The following CNTNAP2 variants were observed in gnomAD, a reference collection of about 807,000 sequenced individuals.
The protein encoded by CNTNAP2 is contactin associated protein 2.
Under a neutral mutation model 155.2 loss-of-function variants are expected in CNTNAP2, and 98 were observed. The observed-to-expected ratio is 0.63, with a 90% CI of 0.54 to 0.75. The LOEUF (loss-of-function observed/expected upper bound fraction) is 0.75. Ranked by LOEUF, CNTNAP2 falls within the 30% of genes least tolerant of loss-of-function variation. CNTNAP2 has a pLI of 0.00. For missense variants in CNTNAP2, 1,727 were observed against 1,688.1 expected (o/e 1.02, Z -0.40); for synonymous variants, 651 against 631.2 (o/e 1.03, Z -0.47).
intron 1 of CNTNAP2, among the ~76,000 whole-genome samples, chr7:146,282,543 C>T (rs1231387493): frequency 6.6e-6 from 1 of 152,132 alleles, no homozygotes; most frequent in Non-Finnish European, 1.5e-5. Flanking sequence ...TATACTATTT[C>T]ATTTGATATT....
At chr7:146,265,315 C>G (rs537153049) in intron 1 of CNTNAP2, among the ~76,000 whole-genome samples, 2 of 152,012 alleles carry the variant, frequency 1.3e-5, no homozygotes, top group African/African-American at 2.4e-5. Context: ...TATAAAGATG[C>G]AATTTTAAAT....
intron 7 of CNTNAP2, among the ~76,000 whole-genome samples, chr7:147,129,987 T>C (rs1204385034): frequency 6.6e-6 from 1 of 152,160 alleles, no homozygotes; most frequent in East Asian, 1.9e-4. Context: ...GTATTTTATA[T>C]TTAGGATGAT....
At chr7:146,433,148 G>A (rs767217366) in intron 1 of CNTNAP2, among the ~76,000 whole-genome samples, 2 of 152,076 alleles carry the variant, frequency 1.3e-5, no homozygotes, top group Admixed American at 6.6e-5. Context: ...CAGAACGTAG[G>A]GTGATTAGTG....
chr7:147,180,796 G>C (rs1261947268), intron 8 of CNTNAP2, among the ~76,000 whole-genome samples: 1 of 152,004 alleles, frequency 6.6e-6, no homozygotes, highest in South Asian at 2.1e-4. Context: ...AATCAAATTA[G>C]TGGAATAAAA....
chr7:147,150,302 G>T (rs558555315), intron 8 of CNTNAP2, among the ~76,000 whole-genome samples: 3 of 152,222 alleles, frequency 2.0e-5, no homozygotes, highest in East Asian at 3.9e-4. Flanking sequence ...AGGAGGAAAA[G>T]CCAGCAAAAA....
chr7:148,035,282 T>A (rs772301595), intron 15 of CNTNAP2, among the ~76,000 whole-genome samples: 7 of 152,112 alleles, frequency 4.6e-5, no homozygotes. Context: ...ATCAAGACAG[T>A]GGGAGAATTA....
At chr7:146,676,048 T>A (rs1303303339) in intron 1 of CNTNAP2, among the ~76,000 whole-genome samples, 1 of 152,178 alleles carries the variant, frequency 6.6e-6, no homozygotes, top group East Asian at 1.9e-4. Flanking sequence ...TTGCCCTTGA[T>A]AGGCTAAGCT....
At chr7:147,330,368 C>T (rs749353811) in intron 9 of CNTNAP2, among the ~76,000 whole-genome samples, 2 of 151,990 alleles carry the variant, frequency 1.3e-5, no homozygotes, top group East Asian at 1.9e-4. Context: ...TGAATGTGTC[C>T]GTTGTGATAA....
chr7:146,192,338 T>A (rs1034370769), intron 1 of CNTNAP2, among the ~76,000 whole-genome samples: 4 of 152,180 alleles, frequency 2.6e-5, no homozygotes, highest in African/African-American at 9.7e-5. Context: ...AACATACTGC[T>A]AAATCAGAAA....
At chr7:147,610,004 G>A (rs1801151546) in intron 12 of CNTNAP2, among the ~76,000 whole-genome samples, 1 of 151,974 alleles carries the variant, frequency 6.6e-6, no homozygotes, top group South Asian at 2.1e-4. Flanking sequence ...TGGTGTGAAG[G>A]GTGAGGACAA....
At chr7:146,385,707 C>G (rs1795450596) in intron 1 of CNTNAP2, among the ~76,000 whole-genome samples, 1 of 152,066 alleles carries the variant, frequency 6.6e-6, no homozygotes, top group Non-Finnish European at 1.5e-5. Context: ...ATTACTGATC[C>G]CTTGGGGTTT....
chr7:147,164,828 T>C (rs1474113778), intron 8 of CNTNAP2, among the ~76,000 whole-genome samples: 1 of 152,220 alleles, frequency 6.6e-6, no homozygotes, highest in Non-Finnish European at 1.5e-5. Context: ...TGCTCCAGGC[T>C]GGATCTCTTC....
intron 8 of CNTNAP2, among the ~76,000 whole-genome samples, chr7:147,186,425 T>C (rs1802568560): frequency 6.6e-6 from 1 of 152,210 alleles, no homozygotes; most frequent in African/African-American, 2.4e-5. Context: ...TTGCCCTCAT[T>C]TTAAAGATGA....
intron 1 of CNTNAP2, among the ~76,000 whole-genome samples, chr7:146,437,874 C>T (rs2129118604): frequency 8.2e-6 from 1 of 121,834 alleles, no homozygotes; most frequent in African/African-American, 4.6e-5. Flanking sequence ...TGCAATTCCC[C>T]AATCTCGTTT....
At chr7:147,436,024 T>C (rs1797542331) in intron 10 of CNTNAP2, among the ~76,000 whole-genome samples, 1 of 152,176 alleles carries the variant, frequency 6.6e-6, no homozygotes, top group Non-Finnish European at 1.5e-5. Context: ...CATTCAAATA[T>C]CCCAATTTAT....
chr7:146,606,659 C>T (rs1386893459), intron 1 of CNTNAP2, among the ~76,000 whole-genome samples: 1 of 152,110 alleles, frequency 6.6e-6, no homozygotes, highest in Non-Finnish European at 1.5e-5. Flanking sequence ...AGAAATATAA[C>T]CTTTTCACTT....
At chr7:147,516,364 A>G (rs551905597) in intron 11 of CNTNAP2, among the ~76,000 whole-genome samples, 30 of 152,322 alleles carry the variant, frequency 2.0e-4, no homozygotes, top group African/African-American at 7.0e-4. Flanking sequence ...GTGTTAAAGC[A>G]TTAGTTTATT....
At chr7:148,280,520 G>A (rs754254877) in intron 21 of CNTNAP2, among the ~76,000 whole-genome samples, 16 of 152,210 alleles carry the variant, frequency 1.1e-4, no homozygotes, top group Admixed American at 3.3e-4. Flanking sequence ...TTTGCAAAAT[G>A]TCTCCAATGG....
rs117687922 is a variant in CNTNAP2 at position 148,321,599 on chromosome 7, C to T, written c.3475+54473C>T. 4.0e-4 allele frequency among the ~76,000 whole-genome samples: 61 copies of T among 152,278 alleles called. 1 individual carries two copies. In the East Asian group the frequency reaches 0.01, roughly 25 times the overall value. On this transcript the variant is annotated intron_variant, in intron 21 of 23. Transcript: ENST00000361727. ...ATCCAAAATGGCTCCCCAAAAGCAG[C>T]GTTGAGCTGATGCAAAAGATCAGTC... is the stretch of plus-strand genomic sequence containing the variant.
Sources: gnomAD v4.1 joint callset for allele counts (sites outside exome capture counted in the v4.1 genomes callset) on GRCh38, gnomAD v4.1.1 for gene constraint, MANE v1.5 for transcripts, NCBI Gene and HGNC (gene_info 2026-07-23, HGNC 2026-07-21) for gene names.